SRM: variants seen among roughly 807,000 people sequenced by gnomAD.
SRM encodes the protein putrescine aminopropyltransferase.
Under a neutral mutation model 39.3 loss-of-function variants are expected in SRM, and 14 were observed. That is an observed-to-expected ratio of 0.36 (90% confidence interval 0.24 to 0.56). The LOEUF is 0.56. Ranked by LOEUF, SRM falls within the 20% of genes least tolerant of loss-of-function variation. SRM has a pLI of 0.86. For synonymous variants in SRM, 195 were observed against 173.1 expected (o/e 1.13, Z -0.99); for missense variants, 244 against 409.2 (o/e 0.60, Z 3.48).
chr1:11,056,038 T>C lies in SRM; in HGVS notation c.592A>G (p.Lys198Glu), dbSNP rs1638873349. ...TGGCAGCAGAGGACACCATCTTCCT[T>C]GAGGGCTGTCTTCATGAGCTGGTAA... is the stretch of plus-strand genomic sequence containing the variant. Reference protein sequence around the residue: ...SYYQLMKTALKEDGVLCCQGE... With the variant: ...SYYQLMKTALEEDGVLCCQGE... Residue 198 changes from lysine (K) to glutamate (E), a missense_variant, in exon 5 of 8, where the codon AAG (lysine) becomes GAG (glutamate). Transcript: ENST00000376957. The C allele has an allele frequency of 6.2e-7, 1 of 1,613,036 alleles. No homozygotes were observed. Among genetic ancestry groups the C allele is most frequent in the Non-Finnish European group, 8.5e-7 (1 of 1,179,566 alleles).
Position 11,055,064 on chromosome 1 carries a change from CGGCT to C in SRM, c.782_785del (p.Glu261GlyfsTer5), listed in dbSNP as rs1557682289. ...CCTGCTGCTGTGTCAGCGGCTGCACCGGCTCCTGGAAGTTCGTGCTCTGGGGACC... is the reference window on the plus strand; with the variant it reads ...CCTGCTGCTGTGTCAGCGGCTGCACCCCTGGAAGTTCGTGCTCTGGGGACC... On this transcript the variant is annotated frameshift_variant, in exon 7 of 8. Coordinates refer to ENST00000376957, the MANE Select transcript of SRM (RefSeq NM_003132.3). LOFTEE classifies it high-confidence loss of function. The C allele has an allele frequency of 6.2e-7, 1 of 1,610,698 alleles. No individual in the cohort carries two copies. The highest frequency in any genetic ancestry group is 8.5e-7 in the Non-Finnish European group (1 of 1,178,782).
At position 11,056,108 on chromosome 1, in the gene SRM, AG is replaced by A. The variant is rs766636498; in HGVS notation, c.536-15del. 11 of 1,599,068 alleles carry A rather than the reference AG, an allele frequency of 6.9e-6. No homozygotes were observed. Among genetic ancestry groups the A allele is most frequent in the Admixed American group, 3.4e-5 (2 of 58,470 alleles). ...TTTCGGCGGGGCCTGGGGAAGACAG[AG>A]GGAGACACACTGAACAGTCTGGCTG... On this transcript the variant is annotated splice_polypyrimidine_tract_variant and intron_variant, in intron 4 of 7. Coordinates refer to ENST00000376957, the MANE Select transcript of SRM (RefSeq NM_003132.3).
intron 1 of SRM, 106 bp downstream of exon 1, chr1:11,059,671 A>G (rs2100924596): frequency 7.5e-7 from 1 of 1,325,558 alleles, no homozygotes; most frequent in Middle Eastern, 2.3e-4. Flanking sequence ...CCAGGGCAGG[A>G]CGAGGTCCAG....
In SRM at chr1:11,055,930, G is replaced by C. The variant is rs1638870133; in HGVS notation, c.620-4C>G. 6.3e-7 allele frequency: 1 copy of C among 1,597,550 alleles called. No homozygotes were observed. Among genetic ancestry groups the C allele is most frequent in the Non-Finnish European group, 8.5e-7 (1 of 1,169,708 alleles). The stretch of plus-strand genomic sequence containing the variant: ...AGGTGCAGCCACTGGCACTCGCCTG[G>C]GGGCCCCTAAGCATCAGCATCCGGC... On this transcript the variant is annotated splice_polypyrimidine_tract_variant and splice_region_variant and intron_variant, in intron 5 of 7. Transcript: ENST00000376957.
At chr1:11,059,015 T>C (rs536314515) in intron 2 of SRM, 123 bp from the exon 3 acceptor site, 56 of 1,296,466 alleles carry the variant, frequency 4.3e-5, no homozygotes, top group Non-Finnish European at 5.3e-5. Context: ...CGGAAACGCT[T>C]TCGTGCCGGT....
intron 6 of SRM, 143 bp from the exon 7 acceptor site, chr1:11,055,227 C>A: frequency 7.9e-7 from 1 of 1,262,938 alleles, no homozygotes; most frequent in Non-Finnish European, 1.0e-6. Context: ...AAGTGATTCT[C>A]CTGCCTCAGC....
rs569885634 is a variant in SRM at position 11,056,597 on chromosome 1, T to C, written c.535+7A>G. On this transcript the variant is annotated splice_region_variant and intron_variant, in intron 4 of 7. Coordinates refer to ENST00000376957, the MANE Select transcript of SRM (RefSeq NM_003132.3). ...CCAGAAAACCCTGGGGCCCATCCAC[T>C]GCTTACCCATGGGGTCTGAGGAGTC... 1 of 1,613,982 alleles carries C rather than the reference T, an allele frequency of 6.2e-7. No homozygotes were observed. The highest frequency in any genetic ancestry group is 1.7e-5 in the Admixed American group (1 of 60,018).
chr1:11,058,098 T>A (rs1638911443), intron 3 of SRM, among the ~76,000 whole-genome samples: 1 of 151,876 alleles, frequency 6.6e-6, no homozygotes, highest in African/African-American at 2.4e-5. Context: ...CTCCTTTAAC[T>A]AGGACATCAG....
chr1:11,056,498 G>T, intron 4 of SRM, 106 bp downstream of exon 4: 1 of 1,382,550 alleles, frequency 7.2e-7, no homozygotes, highest in Non-Finnish European at 9.9e-7. Context: ...TACAGCTCTA[G>T]TTCGGGGGGT....
In SRM at chr1:11,060,003, G is replaced by A; in HGVS notation, c.-60C>T. ...GGACTGCAGGCCGCGCGGCGCCGCA[G>A]CACAACGGGACCAGCTCCGCCCGCC... On this transcript the variant is annotated 5_prime_UTR_variant, in exon 1 of 8. Coordinates refer to ENST00000376957, the MANE Select transcript of SRM (RefSeq NM_003132.3). 4.5e-6 allele frequency: 4 copies of A among 887,732 alleles called. No homozygotes were observed. The highest frequency in any genetic ancestry group is 5.4e-6 in the Non-Finnish European group (4 of 743,012). 55.0% of individuals were successfully genotyped at this position (887,732 alleles called of 1,614,324 possible).
In SRM at chr1:11,059,976, C is replaced by G. The variant is rs1005763650; in HGVS notation, c.-33G>C. On this transcript the variant is annotated 5_prime_UTR_variant, in exon 1 of 8. Coordinates refer to ENST00000376957, the MANE Select transcript of SRM (RefSeq NM_003132.3). ...GGGCGGGCGGCGCGGGGCGCGGGCC[C>G]GGGACTGCAGGCCGCGCGGCGCCGC... 1.0e-6 allele frequency: 1 copy of G among 971,916 alleles called. No individual in the cohort carries two copies. The highest frequency in any genetic ancestry group is 4.6e-5 in the South Asian group (1 of 21,888). The allele number at this position is 971,916 out of a possible 1,614,324, so 60.2% of individuals were successfully genotyped here. A position where few individuals can be genotyped will look rare whatever the true frequency, so the allele number is the denominator to read the frequency against.
At chr1:11,058,300 C>T (rs958024440) in intron 3 of SRM, among the ~76,000 whole-genome samples, 1 of 152,066 alleles carries the variant, frequency 6.6e-6, no homozygotes, top group African/African-American at 2.4e-5. Context: ...GTGGCTCACG[C>T]CTGTAATCCC....
chr1:11,054,704 A>C lies in SRM; in HGVS notation c.*161T>G, dbSNP rs1638836561. On this transcript the variant is annotated 3_prime_UTR_variant, in exon 8 of 8. Coordinates refer to ENST00000376957, the MANE Select transcript of SRM (RefSeq NM_003132.3). The surrounding 1 kb of genome is among the most constrained non-coding windows in gnomAD (Gnocchi z 4.8). ...ACGCCAGAGAGACAGACACACAGAC[A>C]GTCCGCCCAGCAGGGCAGGCCGGGC... 1 of 1,022,412 alleles carries C rather than the reference A, an allele frequency of 9.8e-7. No homozygotes were observed. Among genetic ancestry groups the C allele is most frequent in the East Asian group, 2.6e-5 (1 of 37,936 alleles). 63.3% of individuals were successfully genotyped at this position (1,022,412 alleles called of 1,614,324 possible).
rs1477628526 is a variant in SRM, at chr1:11,056,093, G to A, written c.537C>T (p.Gly179=). 6.2e-7 allele frequency: 1 copy of A among 1,608,554 alleles called. No homozygotes were observed. The highest frequency in any genetic ancestry group is 1.3e-5 in the African/African-American group (1 of 74,846). Residue 179 remains glycine (G), a splice_region_variant and synonymous_variant, in exon 5 of 8, where the codon GGC becomes GGT. Transcript: ENST00000376957. ...ACTCCTTGAAGAGACTTTCGGCGGGGCCTGGGGAAGACAGAGGGAGACACA... is the reference window on the plus strand; with the variant it reads ...ACTCCTTGAAGAGACTTTCGGCGGGACCTGGGGAAGACAGAGGGAGACACA... The part of the protein sequence containing the change: ...VIITDSSDPM[G]PAESLFKESY...
Position 11,058,901 on chromosome 1 carries a change from AG to A in SRM, c.289-10del. ...CCCCCGATGATCAGCACCTGGGAGG[AG>A]GGGGCAGTCAAGGCAGGGGCCCTGG... On this transcript the variant is annotated splice_polypyrimidine_tract_variant and intron_variant, in intron 2 of 7. Transcript: ENST00000376957. 2.5e-6 allele frequency: 4 copies of A among 1,601,378 alleles called. No homozygotes were observed. Among genetic ancestry groups the A allele is most frequent in the Non-Finnish European group, 2.6e-6 (3 of 1,174,936 alleles).
intron 3 of SRM, chr1:11,058,561 CAAAAAAA>C (rs55958066): frequency 1.6e-4 from 29 of 183,398 alleles, no homozygotes; most frequent in East Asian, 1.3e-3. Context: ...AACTCTGTCT[CAAAAAAA>C]AAAAAAAAAA....
Position 11,059,094 on chromosome 1 carries a change from A to G in SRM, c.288+131T>C. The G allele has an allele frequency of 2.6e-6, 4 of 1,512,576 alleles. No individual in the cohort carries two copies. In the South Asian group the frequency reaches 5.0e-5, roughly 19 times the overall value. 93.7% of individuals were successfully genotyped at this position (1,512,576 alleles called of 1,614,324 possible). A position where few individuals can be genotyped will look rare whatever the true frequency, so the allele number is the denominator to read the frequency against. Reference sequence around the variant, plus strand: ...CGAGGCCGCGTCAGTGTCGGCCCCCACCCCTCCGCGGGACGCCCCTGGCCT... The same window carrying G: ...CGAGGCCGCGTCAGTGTCGGCCCCCGCCCCTCCGCGGGACGCCCCTGGCCT... On this transcript the variant is annotated intron_variant, in intron 2 of 7. Transcript: ENST00000376957.
Position 11,054,975 on chromosome 1 carries a change from T to A in SRM, c.875A>T (p.Glu292Val), listed in dbSNP as rs1291420776. The A allele has an allele frequency of 6.2e-7, 1 of 1,611,324 alleles. No individual in the cohort carries two copies. The highest frequency in any genetic ancestry group is 8.5e-7 in the Non-Finnish European group (1 of 1,179,620). The change falls in exon 7 of 8, where the codon GAG becomes GTG. Residue 292 changes from glutamate to valine, a missense_variant. By Grantham distance (121) the Glu-to-Val change is moderately radical. Coordinates refer to ENST00000376957, the MANE Select transcript of SRM (RefSeq NM_003132.3). This position sits in a 1 kb window ranked among gnomAD's most constrained non-coding sequence, Gnocchi z 4.8. ...DVHRAAFVLPEFARKALNDVS is the reference protein window; with the variant it reads ...DVHRAAFVLPVFARKALNDVS ...CAGGCCACCCACCTTGCGGGCAAAC[T>A]CGGGCAGCACAAAGGCGGCGCGGTG...
intron 2 of SRM, 114 bp from the exon 3 acceptor site, chr1:11,059,006 G>T: frequency 7.7e-7 from 1 of 1,304,478 alleles, no homozygotes; most frequent in South Asian, 1.4e-5. Flanking sequence ...TTCTACCCTC[G>T]GAAACGCTTT....
Sources: allele counts gnomAD v4.1 joint callset (sites outside exome capture counted in the v4.1 genomes callset), GRCh38; gene constraint gnomAD v4.1.1; non-coding constraint Gnocchi (gnomAD v3.1); transcripts MANE v1.5; gene names NCBI Gene and HGNC (gene_info 2026-07-23, HGNC 2026-07-21).